The following SHISA9 variants were observed in gnomAD, a reference collection of about 807,000 sequenced individuals.
SHISA9 encodes the protein shisa family member 9.
Under a neutral mutation model 38.0 loss-of-function variants are expected in SHISA9, and 13 were observed. That is an observed-to-expected ratio of 0.34 (90% CI 0.22 to 0.54). The LOEUF is 0.54. Among genes scored for constraint, SHISA9 ranks in the 20% least tolerant of loss-of-function variants. The pLI is 0.91. For missense variants in SHISA9, 538 were observed against 575.8 expected (o/e 0.93, Z 0.67); for synonymous variants, 275 against 242.0 (o/e 1.14, Z -1.27).
the SHISA9 span, among the ~76,000 whole-genome samples, chr16:13,365,786 TC>T: frequency 6.6e-6 from 1 of 152,092 alleles, no homozygotes; most frequent in South Asian, 2.1e-4. Context: ...AATCTTCACA[TC>T]TTATGGATTG....
chr16:13,134,641 G>T (rs1036715305), intron 2 of SHISA9, among the ~76,000 whole-genome samples: 1 of 152,124 alleles, frequency 6.6e-6, no homozygotes, highest in Non-Finnish European at 1.5e-5. Flanking sequence ...GGAGAGATGG[G>T]CAGGGGCTGA....
chr16:13,191,006 C>T (rs528512658), intron 2 of SHISA9, among the ~76,000 whole-genome samples: 1 of 152,046 alleles, frequency 6.6e-6, no homozygotes, highest in South Asian at 2.1e-4. Context: ...CTGATGTAAG[C>T]CTAGGCTGCT....
intron 2 of SHISA9, among the ~76,000 whole-genome samples, chr16:13,046,377 G>C (rs1384189875): frequency 6.6e-6 from 1 of 152,216 alleles, no homozygotes; most frequent in Non-Finnish European, 1.5e-5. Context: ...TGAATTTTTA[G>C]ATGGCTTGGG....
intron 2 of SHISA9, among the ~76,000 whole-genome samples, chr16:13,163,405 A>G (rs891307314): frequency 6.6e-6 from 1 of 152,190 alleles, no homozygotes; most frequent in Non-Finnish European, 1.5e-5. Flanking sequence ...TTAAAATTAG[A>G]TGATCATTTC....
intron 2 of SHISA9, among the ~76,000 whole-genome samples, chr16:13,074,897 C>T (rs2073563326): frequency 6.6e-6 from 1 of 152,156 alleles, no homozygotes; most frequent in South Asian, 2.1e-4. Flanking sequence ...CTCCTGACCT[C>T]AGGTGATCCA....
At chr16:12,909,334 T>C (rs1006261035) in intron 1 of SHISA9, 53 of 985,334 alleles carry the variant, frequency 5.4e-5, no homozygotes, top group Non-Finnish European at 6.1e-5. Flanking sequence ...CTCATGCCCA[T>C]TGCCCTTGCA....
chr16:13,426,793 C>T, the SHISA9 span, among the ~76,000 whole-genome samples: 210 of 152,206 alleles, frequency 1.4e-3, no homozygotes, highest in Non-Finnish European at 2.0e-3. Context: ...ATCCTCACCT[C>T]GCAGTGTGGT....
At chr16:13,122,334 A>C (rs1456080325) in intron 2 of SHISA9, among the ~76,000 whole-genome samples, 1 of 152,134 alleles carries the variant, frequency 6.6e-6, no homozygotes, top group African/African-American at 2.4e-5. Flanking sequence ...CCAAGCCACC[A>C]ACAATTGTTC....
intron 3 of SHISA9, among the ~76,000 whole-genome samples, chr16:13,212,157 C>T (rs943127410): frequency 6.6e-6 from 1 of 152,140 alleles, no homozygotes; most frequent in Non-Finnish European, 1.5e-5. Flanking sequence ...AGACTGTTCC[C>T]TGCGCCTTCA....
At chr16:13,194,096 T>TC (rs1279822922) in intron 2 of SHISA9, among the ~76,000 whole-genome samples, 1 of 151,804 alleles carries the variant, frequency 6.6e-6, no homozygotes, top group East Asian at 1.9e-4. Context: ...CCTTCTCACA[T>TC]CCCCCCAAGA....
intron 2 of SHISA9, among the ~76,000 whole-genome samples, chr16:13,098,265 G>A (rs2073846284): frequency 6.6e-6 from 1 of 152,150 alleles, no homozygotes; most frequent in African/African-American, 2.4e-5. Context: ...CATAGAAATG[G>A]AGCAAAAATA....
At chr16:13,294,702 G>A in the SHISA9 span, among the ~76,000 whole-genome samples, 369 of 152,282 alleles carry the variant, frequency 2.4e-3, 3 homozygotes, top group African/African-American at 8.6e-3. Flanking sequence ...GCCCACATTG[G>A]CAAATACTGT....
At chr16:13,410,077 C>A in the SHISA9 span, among the ~76,000 whole-genome samples, 1 of 152,190 alleles carries the variant, frequency 6.6e-6, no homozygotes, top group African/African-American at 2.4e-5. Flanking sequence ...TCCCATAGAA[C>A]TTTCCTTTTT....
intron 2 of SHISA9, among the ~76,000 whole-genome samples, chr16:13,200,059 G>A (rs954072152): frequency 1.3e-5 from 2 of 152,104 alleles, no homozygotes; most frequent in African/African-American, 2.4e-5. Context: ...GGGGTCCTTT[G>A]CCCTTGGGGT....
chr16:13,543,930 T>A, the SHISA9 span, among the ~76,000 whole-genome samples: 1 of 152,156 alleles, frequency 6.6e-6, no homozygotes, highest in Admixed American at 6.5e-5. Context: ...CTCAGAGAAT[T>A]GCAGGGCTAG....
the SHISA9 span, among the ~76,000 whole-genome samples, chr16:13,310,004 C>G: frequency 1.3e-5 from 2 of 152,190 alleles, no homozygotes; most frequent in Non-Finnish European, 2.9e-5. Context: ...TCTCCTGCCT[C>G]AGCCCTCAAA....
the SHISA9 span, among the ~76,000 whole-genome samples, chr16:13,400,608 CA>C: frequency 6.6e-6 from 1 of 152,210 alleles, no homozygotes; most frequent in Non-Finnish European, 1.5e-5. Flanking sequence ...GACATCATAT[CA>C]AATCAGGAAG....
chr16:13,388,483 T>A, the SHISA9 span, among the ~76,000 whole-genome samples: 1 of 152,060 alleles, frequency 6.6e-6, no homozygotes, highest in African/African-American at 2.4e-5. Flanking sequence ...AGCTAATTTT[T>A]GTATTTTTAG....
chr16:13,326,897 C>T, the SHISA9 span, among the ~76,000 whole-genome samples: 3 of 152,028 alleles, frequency 2.0e-5, no homozygotes, highest in Non-Finnish European at 4.4e-5. Flanking sequence ...TTTCTCTCCT[C>T]TCTGTGCCTT....
Sources: allele counts gnomAD v4.1 joint callset (sites outside exome capture counted in the v4.1 genomes callset), GRCh38; gene constraint gnomAD v4.1.1; transcripts MANE v1.5; gene names NCBI Gene and HGNC (gene_info 2026-07-23, HGNC 2026-07-21).